Variants in TUBGCP4 observed in about 807,000 individuals in gnomAD.
The protein encoded by TUBGCP4 is gamma-tubulin complex component 4.
A neutral mutation model predicts 91.6 loss-of-function variants in TUBGCP4; 54 were observed. The ratio of observed to expected loss-of-function variants is 0.59; its 90% CI spans 0.47 to 0.74. The LOEUF is 0.74. Ranked by LOEUF, TUBGCP4 falls within the 30% of genes least tolerant of loss-of-function variation. TUBGCP4 has a pLI of 0.00. For missense variants in TUBGCP4, 593 were observed against 800.9 expected (o/e 0.74, Z 3.13); for synonymous variants, 297 against 302.8 (o/e 0.98, Z 0.20).
At chr15:43,374,863 C>T (rs1009837633) in intron 1 of TUBGCP4, among the ~76,000 whole-genome samples, 1 of 152,222 alleles carries the variant, frequency 6.6e-6, no homozygotes, top group East Asian at 1.9e-4. Context: ...TGTGCTACAA[C>T]ATGGATGAGC....
At position 43,408,706 on chromosome 15, in the gene TUBGCP4, AAAAGGTTCCTAGCC is replaced by A; in HGVS notation, c.*3495_*3508del. 1 of 596,784 alleles carries A rather than the reference AAAAGGTTCCTAGCC, an allele frequency of 1.7e-6. No individual in the cohort carries two copies. The highest frequency in any genetic ancestry group is 2.9e-6 in the Non-Finnish European group (1 of 339,328). 37.0% of individuals were successfully genotyped at this position (596,784 alleles called of 1,614,324 possible). A position where few individuals can be genotyped will look rare whatever the true frequency, so the allele number is the denominator to read the frequency against. ...TATATACAAATCTTCACACATTTGC[AAAAGGTTCCTAGCC>A]AATGTAACCTAGGGAAATAAACTAG... is the stretch of plus-strand genomic sequence containing the variant. On this transcript the variant is annotated 3_prime_UTR_variant, in exon 18 of 18. Transcript: ENST00000564079.
intron 7 of TUBGCP4, chr15:43,385,261 T>C (rs1209282752): frequency 1.2e-5 from 5 of 426,186 alleles, no homozygotes; most frequent in African/African-American, 6.1e-5. Context: ...CTTCAGGAGG[T>C]TCATGAAATG....
intron 10 of TUBGCP4, 189 bp downstream of exon 10, chr15:43,395,346 T>C (rs1345874707): frequency 2.9e-6 from 2 of 693,916 alleles, no homozygotes; most frequent in Non-Finnish European, 5.0e-6. Context: ...GGGAGTGTAC[T>C]TTTTTCTGGC....
In TUBGCP4 at chr15:43,406,893, C is replaced by T. The variant is rs1242426832; in HGVS notation, c.*1679C>T. ...GGAGTACCCACAGGTGAGCTGTGATCTCAGCTCAGAGAGAGAGCATGAGGT... is the reference window on the plus strand; with the variant it reads ...GGAGTACCCACAGGTGAGCTGTGATTTCAGCTCAGAGAGAGAGCATGAGGT... On this transcript the variant is annotated 3_prime_UTR_variant, in exon 18 of 18. Transcript: ENST00000564079. 1 of 269,166 alleles carries T rather than the reference C, an allele frequency of 3.7e-6. No individual in the cohort carries two copies. The highest frequency in any genetic ancestry group is 7.3e-6 in the Non-Finnish European group (1 of 136,914). 16.7% of individuals were successfully genotyped at this position (269,166 alleles called of 1,614,324 possible).
rs2044200892 is a variant in TUBGCP4, at chr15:43,376,130, T to C, written c.111T>C (p.Ser37=). 3 of 1,614,168 alleles carry C rather than the reference T, an allele frequency of 1.9e-6. No homozygotes were observed. Among genetic ancestry groups the C allele is most frequent in the Admixed American group, 1.7e-5 (1 of 60,024 alleles). ...VSQDFPFLHP[S]ETSVLNRLCR... ...AGGACTTCCCTTTCCTCCACCCCAG[T>C]GAGACCAGTGTCCTGAATCGACTCT... The change falls in exon 2 of 18, where the codon AGT becomes AGC. Residue 37 remains serine (S), a synonymous_variant. Transcript: ENST00000564079.
At position 43,397,970 on chromosome 15, in the gene TUBGCP4, T is replaced by C. The variant is rs1006644877; in HGVS notation, c.1280-71T>C. The C allele has an allele frequency of 1.2e-5, 18 of 1,487,326 alleles. 1 individual carries two copies. In the African/African-American group the frequency reaches 2.4e-4, roughly 20 times the overall value. The allele number at this position is 1,487,326 out of a possible 1,614,324, so 92.1% of individuals were successfully genotyped here. ...CTCTAGTTTCATTAATGTTATTCAC[T>C]TGTTGAGTCTCTGGTTCTAGATTAA... On this transcript the variant is annotated intron_variant, in intron 12 of 17. Transcript: ENST00000564079.
At chr15:43,372,983 T>C (rs1012852026) in intron 1 of TUBGCP4, among the ~76,000 whole-genome samples, 1 of 152,208 alleles carries the variant, frequency 6.6e-6, no homozygotes, top group African/African-American at 2.4e-5. Flanking sequence ...TGTTTAGGTA[T>C]TGATGGAAGA....
chr15:43,394,519 T>C (rs1566898559), intron 9 of TUBGCP4: 1 of 152,226 alleles, frequency 6.6e-6, no homozygotes, highest in African/African-American at 2.4e-5. Context: ...ATACTAAGAT[T>C]TTCTCTTCTC....
intron 9 of TUBGCP4, among the ~76,000 whole-genome samples, chr15:43,389,690 G>A (rs1215085050): frequency 1.3e-5 from 2 of 152,082 alleles, no homozygotes. Context: ...TTCACTAGTT[G>A]TATTAGTCTG....
chr15:43,391,060 G>A (rs1310461046), intron 9 of TUBGCP4, among the ~76,000 whole-genome samples: 1 of 140,946 alleles, frequency 7.1e-6, no homozygotes, highest in Non-Finnish European at 1.5e-5. Flanking sequence ...TCTTCTTACT[G>A]TGTCGCCCGG....
intron 14 of TUBGCP4, 126 bp downstream of exon 14, chr15:43,400,347 G>A (rs1004338710): frequency 2.3e-5 from 14 of 616,730 alleles, no homozygotes; most frequent in African/African-American, 9.3e-5. Flanking sequence ...AAATTCAGGA[G>A]TTATATCACC....
chr15:43,394,991 A>T, intron 9 of TUBGCP4, 116 bp from the exon 10 acceptor site: 2 of 1,085,876 alleles, frequency 1.8e-6, no homozygotes, highest in Non-Finnish European at 2.8e-6. Flanking sequence ...AAATTTTTCT[A>T]TGTGGGGCAA....
At chr15:43,386,377 ATTT>A (rs748820688) in intron 9 of TUBGCP4, 47 bp downstream of exon 9, 45 of 19,098 alleles carry the variant, frequency 2.4e-3, no homozygotes, top group African/African-American at 8.3e-3. Flanking sequence ...ATATATATAT[ATTT>A]TTTTTTTTTT....
intron 17 of TUBGCP4, 73 bp downstream of exon 17, chr15:43,404,625 T>G: frequency 6.5e-7 from 1 of 1,527,444 alleles, no homozygotes; most frequent in Non-Finnish European, 8.9e-7. Flanking sequence ...ATTCTAGAAC[T>G]GGAAGAAGAC....
rs973370836 is a variant in TUBGCP4, at chr15:43,404,422, C to T, written c.1858C>T (p.Arg620Cys). 10 of 1,613,954 alleles carry T rather than the reference C, an allele frequency of 6.2e-6. No homozygotes were observed. Among genetic ancestry groups the T allele is most frequent in the Middle Eastern group, 1.6e-4 (1 of 6,084 alleles). Residue 620 changes from arginine to cysteine, a missense_variant, in exon 17 of 18, where the codon CGC (arginine) becomes TGC (cysteine). Arg to Cys is a radical substitution (Grantham distance 180). Transcript: ENST00000564079. Reference protein sequence around the residue: ...QLSILVKGFSRQSSLLFKILS... With the variant: ...QLSILVKGFSCQSSLLFKILS... ...GTCCTTCTCTCTGCAGGGCTTTAGC[C>T]GCCAGTCTTCACTCCTGTTCAAGAT...
At chr15:43,377,421 G>C (rs191349665) in intron 4 of TUBGCP4, among the ~76,000 whole-genome samples, 69 of 152,096 alleles carry the variant, frequency 4.5e-4, no homozygotes, top group Admixed American at 4.3e-3. Flanking sequence ...TCAGGTGTTG[G>C]AGACCAGCCT....
At chr15:43,403,508 G>A (rs770252049) in intron 15 of TUBGCP4, 175 bp from the exon 16 acceptor site, 24 of 566,346 alleles carry the variant, frequency 4.2e-5, no homozygotes, top group Middle Eastern at 4.6e-4. Flanking sequence ...TTTGTTTTAC[G>A]CATTTTGTGC....
chr15:43,381,248 T>G (rs1018796623), intron 6 of TUBGCP4, among the ~76,000 whole-genome samples: 1 of 152,232 alleles, frequency 6.6e-6, no homozygotes, highest in African/African-American at 2.4e-5. Context: ...ATGTTTGTTC[T>G]GTGTTTGCAG....
chr15:43,373,664 T>C (rs1328385016), intron 1 of TUBGCP4, among the ~76,000 whole-genome samples: 5 of 150,168 alleles, frequency 3.3e-5, no homozygotes, highest in Admixed American at 6.6e-5. Flanking sequence ...TTTTTTTTTT[T>C]CCGAGATGGA....
Sources: allele counts gnomAD v4.1 joint callset (sites outside exome capture counted in the v4.1 genomes callset), GRCh38; gene constraint gnomAD v4.1.1; transcripts MANE v1.5; gene names NCBI Gene and HGNC (gene_info 2026-07-23, HGNC 2026-07-21).